Variants in EEF2 observed in about 807,000 individuals in gnomAD.
EEF2 encodes the protein eukaryotic translation elongation factor 2, also known as elongation factor 2.
A neutral mutation model predicts 85.3 loss-of-function variants in EEF2; 21 were observed. The observed-to-expected ratio is 0.25, with a 90% CI of 0.17 to 0.35. The LOEUF (loss-of-function observed/expected upper bound fraction) is 0.35. EEF2 is among the 10% of genes least tolerant of loss of function. The pLI is 1.00. For synonymous variants in EEF2, 723 were observed against 508.8 expected (o/e 1.42, Z -5.67); for missense variants, 825 against 1,225.3 (o/e 0.67, Z 4.88).
chr19:3,985,344 C>CTA (rs2039807012), intron 1 of EEF2, 34 bp downstream of exon 1: 3 of 1,459,506 alleles, frequency 2.1e-6, no homozygotes. Context: ...GCCCCGCCGC[C>CTA]GCTCCGGGGC....
At chr19:3,982,078 C>CAA in intron 5 of EEF2, 26 bp from the exon 6 acceptor site, 2 of 1,612,614 alleles carry the variant, frequency 1.2e-6, no homozygotes, top group Non-Finnish European at 1.7e-6. Flanking sequence ...CAAGCCAAAT[C>CAA]AAGTTAGGGT....
intron 6 of EEF2, 139 bp from the exon 7 acceptor site, chr19:3,981,591 C>G: frequency 6.3e-6 from 5 of 798,976 alleles, no homozygotes; most frequent in Non-Finnish European, 1.0e-5. Flanking sequence ...CTGCCTACCA[C>G]GGGCCCAGCC....
At chr19:3,979,274 C>A in intron 11 of EEF2, 55 bp downstream of exon 11, 2 of 1,424,070 alleles carry the variant, frequency 1.4e-6, no homozygotes, top group South Asian at 1.2e-5. Context: ...AGCTTTAAAG[C>A]AGAGGGCAGG....
At chr19:3,979,596 C>T in intron 10 of EEF2, 160 bp from the exon 11 acceptor site, 1 of 930,872 alleles carries the variant, frequency 1.1e-6, no homozygotes, top group Non-Finnish European at 1.6e-6. Context: ...ATGTTAAGTC[C>T]CACAAGCTAC....
intron 11 of EEF2, 69 bp downstream of exon 11, chr19:3,979,260 G>A (rs2039715424): frequency 1.6e-6 from 2 of 1,269,294 alleles, no homozygotes; most frequent in African/African-American, 2.9e-5. Flanking sequence ...GCCTAGCTCA[G>A]CTCAGCTTTA....
At position 3,979,407 on chromosome 19, in the gene EEF2, G is replaced by T; in HGVS notation, c.1635C>A (p.Ile545=). The T allele has an allele frequency of 6.2e-7, 1 of 1,613,936 alleles. No individual in the cohort carries two copies. The highest frequency in any genetic ancestry group is 8.5e-7 in the Non-Finnish European group (1 of 1,180,018). The change falls in exon 11 of 15, where the codon ATC becomes ATA. Residue 545 remains isoleucine (I), a synonymous_variant. Transcript: ENST00000309311. Reference sequence around the variant, plus strand: ...GGTGCAGCTCGCCGGCGCCCGCGATGATATGCTCTCCCGACTCCTCGATGA... The same window carrying T: ...GGTGCAGCTCGCCGGCGCCCGCGATTATATGCTCTCCCGACTCCTCGATGA... ...QCIIEESGEH[I]IAGAGELHLE...
intron 6 of EEF2, 33 bp from the exon 7 acceptor site, chr19:3,981,485 T>C (rs1315915471): frequency 8.1e-6 from 13 of 1,595,188 alleles, no homozygotes; most frequent in Non-Finnish European, 1.1e-5. Flanking sequence ...AGAAAGCCCA[T>C]TTGGGAACAG....
chr19:3,984,490 G>C, intron 1 of EEF2, 140 bp from the exon 2 acceptor site: 1 of 868,208 alleles, frequency 1.2e-6, no homozygotes, highest in South Asian at 1.6e-5. Context: ...ACCGAATCTT[G>C]CCAGCCTAAC....
Position 3,980,993 on chromosome 19 carries a change from G to T in EEF2, c.1012-14C>A. 6.4e-7 allele frequency: 1 copy of T among 1,564,990 alleles called. No individual in the cohort carries two copies. Reference sequence around the variant, plus strand: ...GCGCATCACAGCCTGCGGGGGCAGAGAGCGGTGCATGAGACACCTGGGGAG... The same window carrying T: ...GCGCATCACAGCCTGCGGGGGCAGATAGCGGTGCATGAGACACCTGGGGAG... On this transcript the variant is annotated splice_polypyrimidine_tract_variant and intron_variant, in intron 7 of 14. Coordinates refer to ENST00000309311, the MANE Select transcript of EEF2 (RefSeq NM_001961.4).
In EEF2 at chr19:3,977,641, C is replaced by T; in HGVS notation, c.2068-31G>A. The T allele has an allele frequency of 1.3e-6, 2 of 1,492,052 alleles. No homozygotes were observed. Among genetic ancestry groups the T allele is most frequent in the East Asian group, 2.3e-5 (1 of 43,028 alleles). The allele number at this position is 1,492,052 out of a possible 1,614,324, so 92.4% of individuals were successfully genotyped here. A position where few individuals can be genotyped will look rare whatever the true frequency, so the allele number is the denominator to read the frequency against. On this transcript the variant is annotated intron_variant, in intron 12 of 14. Coordinates refer to ENST00000309311, the MANE Select transcript of EEF2 (RefSeq NM_001961.4). The surrounding 1 kb of genome is among the most constrained non-coding windows in gnomAD (Gnocchi z 5.4). ...GGAGGGGGAGAGCCACCGTCAAGGG[C>T]CGGACACACCTCGGCTGCTTGCCCT... is the stretch of plus-strand genomic sequence containing the variant.
At chr19:3,979,671 A>T in intron 10 of EEF2, 137 bp downstream of exon 10, 2 of 1,359,112 alleles carry the variant, frequency 1.5e-6, no homozygotes, top group Non-Finnish European at 2.0e-6. Context: ...CTCCATTTAC[A>T]GCCACAGCCA....
chr19:3,981,055 TGAAGCCAAG>T (rs2145361768), intron 7 of EEF2, 76 bp from the exon 8 acceptor site: 1 of 1,504,658 alleles, frequency 6.6e-7, no homozygotes. Context: ...CTTCCTCTCT[TGAAGCCAAG>T]GAAGCCAAAG....
At position 3,982,852 on chromosome 19, in the gene EEF2, G is replaced by A. The variant is rs34017760; in HGVS notation, c.567C>T (p.Ile189=). The change falls in exon 4 of 15, where the codon ATC becomes ATT. Residue 189 remains isoleucine (I), a synonymous_variant. Transcript: ENST00000309311. ...CGCTCTCGCCCTCGCCGTAGGTGGA[G>A]ATGATGACGTTCACGTTCTCCACGA... ...QRIVENVNVI[I]STYGEGESGP... 10,218 of 1,613,532 alleles carry A rather than the reference G, an allele frequency of 6.3e-3. 502 individuals are homozygous for A. In the African/African-American group the frequency reaches 0.12, roughly 18 times the overall value.
At position 3,977,787 on chromosome 19, in the gene EEF2, G is replaced by A. The variant is rs771742039; in HGVS notation, c.2067+32C>T. ...AGGTCCCTCTAGAGCCTGGAAACGG[G>A]TGTGGTCTGCACATGCTGAGCCGTG... is the stretch of plus-strand genomic sequence containing the variant. On this transcript the variant is annotated intron_variant, in intron 12 of 14. Transcript: ENST00000309311. This position sits in a 1 kb window ranked among gnomAD's most constrained non-coding sequence, Gnocchi z 5.4. 1.0e-5 allele frequency: 16 copies of A among 1,539,720 alleles called. No individual in the cohort carries two copies. Among genetic ancestry groups the A allele is most frequent in the Non-Finnish European group, 1.4e-5 (16 of 1,139,942 alleles).
chr19:3,983,481 G>C (rs926908070), intron 2 of EEF2, among the ~76,000 whole-genome samples, 190 bp from the exon 3 acceptor site: 1 of 151,954 alleles, frequency 6.6e-6, no homozygotes, highest in Non-Finnish European at 1.5e-5. Context: ...GGAACTCCTG[G>C]TACCAGCCCC....
At position 3,978,125 on chromosome 19, in the gene EEF2, C is replaced by G. The variant is rs370836485; in HGVS notation, c.1761G>C (p.Ser587=). ...GGGACTTGGAGAGGCAGAGCACGTT[C>G]GACTCTTCACTGACCGTCTCGCGGT... The part of the protein sequence containing the change: ...VSYRETVSEE[S]NVLCLSKSPN... Residue 587 remains serine, a synonymous_variant, in exon 12 of 15, where the codon TCG becomes TCC. Transcript: ENST00000309311. 6.7e-7 allele frequency: 1 copy of G among 1,491,984 alleles called. No homozygotes were observed. Among genetic ancestry groups the G allele is most frequent in the South Asian group, 1.3e-5 (1 of 74,518 alleles). 92.4% of individuals were successfully genotyped at this position (1,491,984 alleles called of 1,614,324 possible). A position where few individuals can be genotyped will look rare whatever the true frequency, so the allele number is the denominator to read the frequency against.
chr19:3,980,441 A>C, intron 9 of EEF2, 73 bp downstream of exon 9: 1 of 1,506,832 alleles, frequency 6.6e-7, no homozygotes, highest in Non-Finnish European at 9.0e-7. Context: ...CTCCCGACTG[A>C]GGAGCCCAAG....
chr19:3,982,584 C>T lies in EEF2; in HGVS notation c.613-160G>A, dbSNP rs762630778. ...CAGTCATCACGAATAGGGGGGCCAG[C>T]CCCTCCACCACCCAGGGCAGCGTTC... On this transcript the variant is annotated intron_variant, in intron 4 of 14. Coordinates refer to ENST00000309311, the MANE Select transcript of EEF2 (RefSeq NM_001961.4). 11 of 1,106,164 alleles carry T rather than the reference C, an allele frequency of 9.9e-6. 1 individual carries two copies. The highest frequency in any genetic ancestry group is 3.9e-4 in the Middle Eastern group (2 of 5,070). The allele number at this position is 1,106,164 out of a possible 1,614,324, so 68.5% of individuals were successfully genotyped here. A position where few individuals can be genotyped will look rare whatever the true frequency, so the allele number is the denominator to read the frequency against.
In EEF2 at chr19:3,983,120, G is replaced by A; in HGVS notation, c.390C>T (p.Asp130=). 6.2e-7 allele frequency: 1 copy of A among 1,613,954 alleles called. No homozygotes were observed. Residue 130 remains aspartate, a synonymous_variant, in exon 3 of 15, where the codon GAC becomes GAT. Transcript: ENST00000309311. Reference sequence around the variant, plus strand: ...GGACCCACTGCTTACCTGACACGCAGTCCACCACCACCAATGCGCCATCGG... The same window carrying A: ...GGACCCACTGCTTACCTGACACGCAATCCACCACCACCAATGCGCCATCGG... ...RVTDGALVVV[D]CVSGVCVQTE... is the part of the protein sequence containing the mutation.
Sources: gnomAD v4.1 joint callset for allele counts (sites outside exome capture counted in the v4.1 genomes callset) on GRCh38, gnomAD v4.1.1 for gene constraint, Gnocchi (gnomAD v3.1) non-coding constraint, MANE v1.5 for transcripts, NCBI Gene and HGNC (gene_info 2026-07-23, HGNC 2026-07-21) for gene names.